Variants in CHD5 observed in about 807,000 individuals in gnomAD.
The protein encoded by CHD5 is ATP-dependent chromatin remodeler CHD5.
CHD5 carries 69 observed loss-of-function variants against 230.3 expected under a neutral mutation model. The ratio of observed to expected loss-of-function variants is 0.30; its 90% CI spans 0.25 to 0.37. CHD5 has a LOEUF of 0.37. Ranked by LOEUF, CHD5 falls within the 10% of genes least tolerant of loss-of-function variation. The pLI is 1.00. For synonymous variants in CHD5, 1,064 were observed against 1,065.9 expected, an observed-to-expected ratio of 1.00 and a Z score of 0.03; for missense variants, 1,827 against 2,622.8, an observed-to-expected ratio of 0.70 and a Z score of 6.63.
At chr1:6,165,346 T>G (rs1667235715) in intron 2 of CHD5, among the ~76,000 whole-genome samples, 2 of 152,170 alleles carry the variant, frequency 1.3e-5, no homozygotes, top group African/African-American at 2.4e-5. Context: ...CACAGGTCTC[T>G]GCTGCACCCC....
intron 31 of CHD5, among the ~76,000 whole-genome samples, chr1:6,123,218 G>A (rs763235116): frequency 2.0e-5 from 3 of 152,090 alleles, no homozygotes; most frequent in African/African-American, 7.2e-5. Flanking sequence ...AAAGGCCCAC[G>A]CACTGTGCAG....
chr1:6,106,045 G>A (rs1666157786), intron 41 of CHD5, among the ~76,000 whole-genome samples, 189 bp downstream of exon 41: 1 of 152,246 alleles, frequency 6.6e-6, no homozygotes, highest in South Asian at 2.1e-4. Flanking sequence ...GCCACAAGGT[G>A]GTCCCAGGGC....
At position 6,125,478 on chromosome 1, in the gene CHD5, G is replaced by A; in HGVS notation, c.4260+46C>T. 1 of 1,533,390 alleles carries A rather than the reference G, an allele frequency of 6.5e-7. No individual in the cohort carries two copies. Among genetic ancestry groups the A allele is most frequent in the South Asian group, 1.2e-5 (1 of 83,666 alleles). 95.0% of individuals were successfully genotyped at this position (1,533,390 alleles called of 1,614,324 possible). On this transcript the variant is annotated intron_variant, in intron 28 of 41. Transcript: ENST00000262450. This position sits in a 1 kb window ranked among gnomAD's most constrained non-coding sequence, Gnocchi z 6.7. ...AGCCCTCCTCCATACCCCAGGGGCA[G>A]CAGGAAGCAGGGGCAGAAAGAGATG...
At chr1:6,122,438 G>A (rs1486605438) in intron 31 of CHD5, among the ~76,000 whole-genome samples, 1 of 152,204 alleles carries the variant, frequency 6.6e-6, no homozygotes, top group African/African-American at 2.4e-5. Flanking sequence ...ACCACAGTGA[G>A]ACACCACCTC....
At chr1:6,112,010 G>T in intron 35 of CHD5, 127 bp from the exon 36 acceptor site, 1 of 1,389,206 alleles carries the variant, frequency 7.2e-7, no homozygotes, top group Non-Finnish European at 1.0e-6. Flanking sequence ...TTCCAGGGTG[G>T]CTAAGAAAGG....
intron 2 of CHD5, among the ~76,000 whole-genome samples, chr1:6,164,489 A>C (rs1218720491): frequency 6.6e-6 from 1 of 152,290 alleles, no homozygotes; most frequent in East Asian, 1.9e-4. Context: ...CGGTTATTTT[A>C]TGTAAATCAG....
intron 2 of CHD5, among the ~76,000 whole-genome samples, chr1:6,165,477 G>A (rs550649007): frequency 1.3e-5 from 2 of 152,184 alleles, no homozygotes; most frequent in African/African-American, 2.4e-5. Context: ...GTCAGAGGAG[G>A]TGGGCAGTGG....
chr1:6,171,140 A>C (rs1667331642), intron 1 of CHD5, among the ~76,000 whole-genome samples: 1 of 152,314 alleles, frequency 6.6e-6, no homozygotes, highest in African/African-American at 2.4e-5. Flanking sequence ...GGCCTGACCA[A>C]CAGAACGGAT....
chr1:6,148,454 T>C (rs1320356054), intron 9 of CHD5, among the ~76,000 whole-genome samples: 1 of 152,198 alleles, frequency 6.6e-6, no homozygotes, highest in East Asian at 1.9e-4. Flanking sequence ...GTCACTCTGC[T>C]TCCCTGAGCA....
Position 6,172,685 on chromosome 1 carries a change from G to A in CHD5, c.80-4408C>T, listed in dbSNP as rs115082352. Among the ~76,000 whole-genome samples the A allele has an allele frequency of 2.3e-3, 348 of 152,224 alleles. 2 individuals are homozygous for A. Among genetic ancestry groups the A allele is most frequent in the African/African-American group, 6.8e-3 (284 of 41,536 alleles). ...TGAAACAGCCCACGCTGTGTAAACC[G>A]GCTCGGTGGATGCCCTGGGGACACT... On this transcript the variant is annotated intron_variant, in intron 1 of 41. Coordinates refer to ENST00000262450, the MANE Select transcript of CHD5 (RefSeq NM_015557.3).
At position 6,157,274 on chromosome 1, in the gene CHD5, C is replaced by G. The variant is rs553630160; in HGVS notation, c.388-1557G>C. ...GAATGCTGGTCTCCTGCCTGCATAC[C>G]TGGACATGGGAGGCCTGCTCTCCCT... On this transcript the variant is annotated intron_variant, in intron 3 of 41. Coordinates refer to ENST00000262450, the MANE Select transcript of CHD5 (RefSeq NM_015557.3). Among the ~76,000 whole-genome samples, 38 of 152,366 alleles carry G rather than the reference C, an allele frequency of 2.5e-4. No individual in the cohort carries two copies. In the South Asian group the frequency reaches 7.7e-3, roughly 31 times the overall value.
intron 13 of CHD5, 75 bp downstream of exon 13, chr1:6,143,748 C>A (rs1242128703): frequency 5.5e-6 from 7 of 1,283,694 alleles, no homozygotes; most frequent in Non-Finnish European, 7.8e-6. Context: ...AGAACACACA[C>A]CCCCTGCACA....
intron 11 of CHD5, among the ~76,000 whole-genome samples, chr1:6,145,235 A>T (rs564234547): frequency 1.3e-5 from 2 of 152,284 alleles, no homozygotes; most frequent in Non-Finnish European, 2.9e-5. Flanking sequence ...CTGTTCCCTA[A>T]AAGGGCCTCA....
At chr1:6,132,198 G>C (rs912633751) in intron 20 of CHD5, among the ~76,000 whole-genome samples, 6 of 152,118 alleles carry the variant, frequency 3.9e-5, no homozygotes, top group African/African-American at 1.4e-4. Flanking sequence ...CATAAGAAAA[G>C]AAAGGCAGTC....
chr1:6,136,434 C>T, intron 17 of CHD5, 83 bp downstream of exon 17: 7 of 1,523,718 alleles, frequency 4.6e-6, no homozygotes, highest in Non-Finnish European at 6.3e-6. Flanking sequence ...GCAGGTCTCA[C>T]AGCCAGGATG....
intron 2 of CHD5, 124 bp from the exon 3 acceptor site, chr1:6,159,639 C>A: frequency 6.7e-6 from 5 of 750,888 alleles, no homozygotes; most frequent in Non-Finnish European, 8.6e-6. Context: ...CCCCATCACT[C>A]CACTCATCAT....
chr1:6,125,273 G>T lies in CHD5; in HGVS notation c.4261-40C>A. 6.4e-7 allele frequency: 1 copy of T among 1,562,110 alleles called. No individual in the cohort carries two copies. The highest frequency in any genetic ancestry group is 1.1e-5 in the South Asian group (1 of 87,332). On this transcript the variant is annotated intron_variant, in intron 28 of 41. Coordinates refer to ENST00000262450, the MANE Select transcript of CHD5 (RefSeq NM_015557.3). The surrounding 1 kb of genome is among the most constrained non-coding windows in gnomAD (Gnocchi z 6.7). ...CGTGGGAGTATGAGCCCAGGACAGA[G>T]AGGGGTGGGGGTGGAGGATTCTGGG...
intron 2 of CHD5, among the ~76,000 whole-genome samples, chr1:6,164,478 C>A (rs968207860): frequency 2.6e-5 from 4 of 152,164 alleles, no homozygotes; most frequent in African/African-American, 9.7e-5. Flanking sequence ...CGGCTGCAGC[C>A]CGGTTATTTT....
intron 11 of CHD5, among the ~76,000 whole-genome samples, chr1:6,145,699 CAGAA>C (rs1206302445): frequency 3.3e-5 from 5 of 152,226 alleles, no homozygotes; most frequent in Non-Finnish European, 1.5e-5. Context: ...GTCCTGCAGT[CAGAA>C]AGCATGGGGT....
Sources: gnomAD v4.1 joint callset for allele counts (sites outside exome capture counted in the v4.1 genomes callset) on GRCh38, gnomAD v4.1.1 for gene constraint, Gnocchi (gnomAD v3.1) non-coding constraint, MANE v1.5 for transcripts, NCBI Gene and HGNC (gene_info 2026-07-23, HGNC 2026-07-21) for gene names.